PDS5B: variants seen among roughly 807,000 people sequenced by gnomAD.
PDS5B encodes PDS5 cohesin associated factor B, also known as sister chromatid cohesion protein PDS5 homolog B.
A neutral mutation model predicts 184.1 loss-of-function variants in PDS5B; 51 were observed. The ratio of observed to expected loss-of-function variants is 0.28; its 90% CI spans 0.22 to 0.35. The LOEUF (loss-of-function observed/expected upper bound fraction) is 0.35. Ranked by LOEUF, PDS5B falls within the 10% of genes least tolerant of loss-of-function variation. The probability of loss-of-function intolerance (pLI) is 1.00; values close to 1 mark genes in which losing one functional copy is unlikely to be tolerated. For synonymous variants in PDS5B, 566 were observed against 569.2 expected (o/e 0.99, Z 0.08); for missense variants, 1,180 against 1,723.3 (o/e 0.68, Z 5.58).
chr13:32,717,720 T>TAAA (rs1220035606), intron 19 of PDS5B, among the ~76,000 whole-genome samples: 1 of 126,692 alleles, frequency 7.9e-6, no homozygotes, highest in African/African-American at 3.0e-5. Context: ...ATCAATAAAT[T>TAAA]AAAAAAAAAA....
In PDS5B at chr13:32,586,496, G is replaced by A. The variant is rs941815134; in HGVS notation, c.-117G>A. ...GAGGAGGAACGGCAGGGCTGGCTGC[G>A]GAAGGGGAGGGGGGGGGAGAAGGCG... On this transcript the variant is annotated 5_prime_UTR_variant, in exon 1 of 35. Coordinates refer to ENST00000315596, the MANE Select transcript of PDS5B (RefSeq NM_015032.4). 5.4e-4 allele frequency: 68 copies of A among 126,062 alleles called. No homozygotes were observed. Among genetic ancestry groups the A allele is most frequent in the South Asian group, 1.8e-3 (8 of 4,456 alleles). The allele number at this position is 126,062 out of a possible 1,614,324, so 7.8% of individuals were successfully genotyped here. A position where few individuals can be genotyped will look rare whatever the true frequency, so the allele number is the denominator to read the frequency against.
At chr13:32,619,381 C>CA (rs2062155025) in intron 1 of PDS5B, among the ~76,000 whole-genome samples, 1 of 152,112 alleles carries the variant, frequency 6.6e-6, no homozygotes, top group African/African-American at 2.4e-5. Context: ...TGTTACTGTT[C>CA]TGAATATCAT....
At chr13:32,601,656 G>C (rs9595893) in intron 1 of PDS5B, among the ~76,000 whole-genome samples, 9 of 152,090 alleles carry the variant, frequency 5.9e-5, no homozygotes, top group East Asian at 5.8e-4. Context: ...TGTAATTGTT[G>C]GTCTCAACTG....
intron 19 of PDS5B, among the ~76,000 whole-genome samples, chr13:32,726,149 TAAAAAAAAA>T (rs58034166): frequency 7.1e-6 from 1 of 141,226 alleles, no homozygotes; most frequent in African/African-American, 2.6e-5. Flanking sequence ...TAGATAAACT[TAAAAAAAAA>T]AAAAAAAGCC....
chr13:32,755,384 A>C (rs560983145), intron 25 of PDS5B, among the ~76,000 whole-genome samples: 1 of 152,082 alleles, frequency 6.6e-6, no homozygotes. Flanking sequence ...ATTAGTATCA[A>C]CCTCTTGTTG....
intron 10 of PDS5B, among the ~76,000 whole-genome samples, chr13:32,682,176 TTTTTTTTA>T (rs1951266396): frequency 6.6e-6 from 1 of 151,840 alleles, no homozygotes; most frequent in Non-Finnish European, 1.5e-5. Flanking sequence ...TACAGTTTCC[TTTTTTTTA>T]ACTTAAAAAA....
chr13:32,730,210 C>T (rs1057484431), intron 19 of PDS5B, among the ~76,000 whole-genome samples: 1 of 152,110 alleles, frequency 6.6e-6, no homozygotes, highest in South Asian at 2.1e-4. Context: ...GGAATCCTTT[C>T]CCCATTGCTT....
intron 1 of PDS5B, among the ~76,000 whole-genome samples, chr13:32,618,860 T>TA (rs1183034094): frequency 6.6e-6 from 1 of 152,208 alleles, no homozygotes; most frequent in African/African-American, 2.4e-5. Context: ...CAGGGATTGA[T>TA]ACTTACTTTT....
chr13:32,751,724 T>C (rs1953988922), intron 24 of PDS5B, among the ~76,000 whole-genome samples: 1 of 152,196 alleles, frequency 6.6e-6, no homozygotes, highest in South Asian at 2.1e-4. Flanking sequence ...TGTTAATTTA[T>C]TTAAGTTTCT....
chr13:32,654,471 G>A (rs996424077), intron 3 of PDS5B, among the ~76,000 whole-genome samples: 2 of 152,162 alleles, frequency 1.3e-5, no homozygotes, highest in African/African-American at 4.8e-5. Context: ...TTCATTCATA[G>A]AGAACATATT....
chr13:32,661,536 G>A (rs1332013028), intron 6 of PDS5B, among the ~76,000 whole-genome samples: 13 of 151,750 alleles, frequency 8.6e-5, no homozygotes, highest in Admixed American at 8.6e-4. Context: ...AAACATGAAA[G>A]GTAAGGTCTG....
At chr13:32,723,939 G>C (rs778546971) in intron 19 of PDS5B, among the ~76,000 whole-genome samples, 1 of 152,154 alleles carries the variant, frequency 6.6e-6, no homozygotes, top group East Asian at 1.9e-4. Flanking sequence ...TCACCAACCA[G>C]CTTTAACAAT....
At chr13:32,666,057 A>G (rs1593375938) in intron 6 of PDS5B, among the ~76,000 whole-genome samples, 1 of 152,044 alleles carries the variant, frequency 6.6e-6, no homozygotes, top group East Asian at 1.9e-4. Flanking sequence ...GTTAGATAGA[A>G]GGCATAGTTC....
At chr13:32,591,274 G>T (rs1257297200) in intron 1 of PDS5B, among the ~76,000 whole-genome samples, 1 of 151,914 alleles carries the variant, frequency 6.6e-6, no homozygotes, top group African/African-American at 2.4e-5. Flanking sequence ...GACTACAGGC[G>T]TGTGCCACCA....
intron 1 of PDS5B, among the ~76,000 whole-genome samples, chr13:32,629,169 G>A (rs2058417953): frequency 6.6e-6 from 1 of 152,052 alleles, no homozygotes; most frequent in Admixed American, 6.6e-5. Flanking sequence ...TAACCTATTT[G>A]ATATATTGCA....
chr13:32,728,562 T>G (rs1952990617), intron 19 of PDS5B, among the ~76,000 whole-genome samples: 1 of 152,202 alleles, frequency 6.6e-6, no homozygotes, highest in South Asian at 2.1e-4. Context: ...TTTCTGGTAT[T>G]GTGCTCTAGA....
intron 1 of PDS5B, among the ~76,000 whole-genome samples, chr13:32,637,526 G>A (rs1038363787): frequency 1.3e-5 from 2 of 152,098 alleles, no homozygotes; most frequent in Non-Finnish European, 2.9e-5. Context: ...TTGTATGTGC[G>A]GACTGGAGTT....
At position 32,777,049 on chromosome 13, in the gene PDS5B, A is replaced by G. The variant is rs911577128; in HGVS notation, c.*1997A>G. The G allele has an allele frequency of 6.6e-5, 10 of 152,378 alleles. No individual in the cohort carries two copies. In the South Asian group the frequency reaches 1.4e-3, roughly 22 times the overall value. The allele number at this position is 152,378 out of a possible 1,614,324, so 9.4% of individuals were successfully genotyped here. The stretch of plus-strand genomic sequence containing the variant: ...AGTACAAAGGCATGTTTTAAAATCT[A>G]TAACATAAAGAATAAGGAATAGCTT... On this transcript the variant is annotated 3_prime_UTR_variant, in exon 35 of 35. Coordinates refer to ENST00000315596, the MANE Select transcript of PDS5B (RefSeq NM_015032.4).
chr13:32,661,385 C>CAAAAAAAAAAAAAAAA (rs747985772), intron 6 of PDS5B, among the ~76,000 whole-genome samples: 2 of 32,016 alleles, frequency 6.2e-5, no homozygotes, highest in Non-Finnish European at 1.1e-4. Flanking sequence ...GACTCTGTCT[C>CAAAAAAAAAAAAAAAA]AAAAAAAAAA....
Sources: allele counts gnomAD v4.1 joint callset (sites outside exome capture counted in the v4.1 genomes callset), GRCh38; gene constraint gnomAD v4.1.1; transcripts MANE v1.5; gene names NCBI Gene and HGNC (gene_info 2026-07-23, HGNC 2026-07-21).